Variants in INTS3 observed in about 807,000 individuals in gnomAD.
The protein encoded by INTS3 is SOSS complex subunit A.
In INTS3, 34 loss-of-function variants were observed where a neutral mutation model predicts 146.3. The ratio of observed to expected loss-of-function variants is 0.23; its 90% CI spans 0.18 to 0.31. The LOEUF is 0.31. INTS3 is among the 10% of genes least tolerant of loss of function. INTS3 has a pLI of 1.00. For synonymous variants in INTS3, 475 were observed against 494.9 expected (o/e 0.96, Z 0.53); for missense variants, 757 against 1,304.2 (o/e 0.58, Z 6.46).
At position 153,757,802 on chromosome 1, in the gene INTS3, T is replaced by C; in HGVS notation, c.1149+39T>C. ...ATACTGGGTGGTGAAGGGTGCCTCT[T>C]CCATGGTGTTCCCATGTTTCCATTC... On this transcript the variant is annotated intron_variant, in intron 10 of 29. Transcript: ENST00000318967. This position sits in a 1 kb window ranked among gnomAD's most constrained non-coding sequence, Gnocchi z 4.0. 6.5e-7 allele frequency: 1 copy of C among 1,549,442 alleles called. No individual in the cohort carries two copies. Among genetic ancestry groups the C allele is most frequent in the Middle Eastern group, 2.3e-4 (1 of 4,396 alleles).
chr1:153,758,253 T>C (rs1672235264), intron 10 of INTS3, among the ~76,000 whole-genome samples: 2 of 152,224 alleles, frequency 1.3e-5, no homozygotes, highest in Non-Finnish European at 2.9e-5. Flanking sequence ...CTCTGGCATC[T>C]GGCTGCCCCC....
intron 11 of INTS3, 63 bp downstream of exon 11, chr1:153,759,676 A>G: frequency 2.0e-6 from 2 of 1,015,244 alleles, no homozygotes; most frequent in Non-Finnish European, 3.1e-6. Flanking sequence ...TGCCTTCCTT[A>G]GTGATAGCAG....
intron 3 of INTS3, among the ~76,000 whole-genome samples, chr1:153,742,062 C>T (rs1671552931): frequency 6.6e-6 from 1 of 152,160 alleles, no homozygotes; most frequent in Admixed American, 6.5e-5. Context: ...AAAGGAAAAT[C>T]ATTTCCGGGG....
chr1:153,763,559 C>T (rs1558006019), intron 16 of INTS3, among the ~76,000 whole-genome samples, 197 bp downstream of exon 16: 2 of 152,164 alleles, frequency 1.3e-5, no homozygotes, highest in African/African-American at 2.4e-5. Context: ...AGCCTCATTC[C>T]GTAACACCTT....
Position 153,767,815 on chromosome 1 carries a change from C to CACCGAG in INTS3, c.2233_2234insCCGAGA (p.Ser744_Ile745insThrGlu). 6.8e-7 allele frequency: 1 copy of CACCGAG among 1,471,702 alleles called. No individual in the cohort carries two copies. The highest frequency in any genetic ancestry group is 2.0e-5 in the Admixed American group (1 of 49,618). The allele number at this position is 1,471,702 out of a possible 1,614,324, so 91.2% of individuals were successfully genotyped here. A position where few individuals can be genotyped will look rare whatever the true frequency, so the allele number is the denominator to read the frequency against. On this transcript the variant is annotated inframe_insertion, in exon 21 of 30. Transcript: ENST00000318967. The stretch of plus-strand genomic sequence containing the variant: ...GGCTCCTGTGCCACCTCACGCCCTC[C>CACCGAG]ATCTACACAGAGGTCAGTGCCTGCA...
At position 153,772,021 on chromosome 1, in the gene INTS3, G is replaced by C. The variant is rs997916621; in HGVS notation, c.2720+58G>C. The C allele has an allele frequency of 3.1e-6, 3 of 979,914 alleles. No homozygotes were observed. The highest frequency in any genetic ancestry group is 4.0e-6 in the Non-Finnish European group (3 of 745,466). 60.7% of individuals were successfully genotyped at this position (979,914 alleles called of 1,614,324 possible). On this transcript the variant is annotated intron_variant, in intron 26 of 29. Coordinates refer to ENST00000318967, the MANE Select transcript of INTS3 (RefSeq NM_023015.5). The surrounding 1 kb of genome is among the most constrained non-coding windows in gnomAD (Gnocchi z 4.6). ...ATGGCGGTCTGCAGTGATTGCTGTC[G>C]GTGGTGGTGGTGGTGGTGGTGGTGG...
At position 153,757,769 on chromosome 1, in the gene INTS3, G is replaced by A. The variant is rs373302294; in HGVS notation, c.1149+6G>A. 1.5e-5 allele frequency: 24 copies of A among 1,611,696 alleles called. No homozygotes were observed. In the African/African-American group the frequency reaches 2.3e-4, roughly 15 times the overall value. On this transcript the variant is annotated splice_donor_region_variant and intron_variant, in intron 10 of 29. Coordinates refer to ENST00000318967, the MANE Select transcript of INTS3 (RefSeq NM_023015.5). This position sits in a 1 kb window ranked among gnomAD's most constrained non-coding sequence, Gnocchi z 4.0. Reference sequence around the variant, plus strand: ...GGCTCCTGACAACGTGCACGGTGAGGGCAAAAGATACTGGGTGGTGAAGGG... The same window carrying A: ...GGCTCCTGACAACGTGCACGGTGAGAGCAAAAGATACTGGGTGGTGAAGGG...
chr1:153,772,873 G>T lies in INTS3; in HGVS notation c.2895-52G>T. 6.2e-7 allele frequency: 1 copy of T among 1,607,862 alleles called. No individual in the cohort carries two copies. The highest frequency in any genetic ancestry group is 8.5e-7 in the Non-Finnish European group (1 of 1,175,116). The stretch of plus-strand genomic sequence containing the variant: ...GGGGGCAGAGAAGAGGATGGGAGGT[G>T]CCGTAGGAGCAGCAGGCTCCCACTC... On this transcript the variant is annotated intron_variant, in intron 28 of 29. Transcript: ENST00000318967. This position sits in a 1 kb window ranked among gnomAD's most constrained non-coding sequence, Gnocchi z 4.6.
Position 153,765,025 on chromosome 1 carries a change from C to T in INTS3, c.2052C>T (p.Pro684=), listed in dbSNP as rs1157961401. 2 of 1,614,068 alleles carry T rather than the reference C, an allele frequency of 1.2e-6. No homozygotes were observed. Among genetic ancestry groups the T allele is most frequent in the Non-Finnish European group, 8.5e-7 (1 of 1,179,986 alleles). Residue 684 remains proline (P), a synonymous_variant, in exon 20 of 30, where the codon CCC becomes CCT. Transcript: ENST00000318967. ...DLLSELYQKQ[P]KIGYHLLYYL... ...TCTCCGAGCTATATCAGAAGCAGCC[C>T]AAGATTGGCTACCACCTGCTCTACT...
In INTS3 at chr1:153,744,007, T is replaced by G. The variant is rs545773284; in HGVS notation, c.318+2639T>G. Reference sequence around the variant, plus strand: ...TTTACTTTTCTTTGAGACTCTCCACTTCTCTTTTCCTCACTGAGGGTGTGC... The same window carrying G: ...TTTACTTTTCTTTGAGACTCTCCACGTCTCTTTTCCTCACTGAGGGTGTGC... On this transcript the variant is annotated intron_variant, in intron 3 of 29. Transcript: ENST00000318967. 3.0e-3 allele frequency among the ~76,000 whole-genome samples: 450 copies of G among 151,164 alleles called. 1 individual carries two copies. The highest frequency in any genetic ancestry group is 9.5e-3 in the African/African-American group (390 of 41,134).
At chr1:153,738,877 T>G (rs1671406620) in intron 1 of INTS3, among the ~76,000 whole-genome samples, 1 of 151,568 alleles carries the variant, frequency 6.6e-6, no homozygotes, top group Non-Finnish European at 1.5e-5. Flanking sequence ...ATTCGATAGA[T>G]GATAATATTA....
chr1:153,760,715 C>T, intron 12 of INTS3, 112 bp from the exon 13 acceptor site: 1 of 848,684 alleles, frequency 1.2e-6, no homozygotes, highest in Admixed American at 1.9e-5. Context: ...TCTCTGCAGC[C>T]ATACTCCCCA....
intron 1 of INTS3, among the ~76,000 whole-genome samples, chr1:153,731,391 A>T (rs1203579207): frequency 6.6e-6 from 1 of 152,016 alleles, no homozygotes; most frequent in African/African-American, 2.4e-5. Flanking sequence ...TTGAAGGCGG[A>T]AGTCTTCTTG....
chr1:153,760,940 G>A, intron 13 of INTS3, 22 bp downstream of exon 13: 1 of 1,606,294 alleles, frequency 6.2e-7, no homozygotes, highest in Non-Finnish European at 8.5e-7. Context: ...GGTGGGGGAA[G>A]GAGGTTGTTT....
At chr1:153,763,429 G>A in intron 16 of INTS3, 67 bp downstream of exon 16, 1 of 1,558,052 alleles carries the variant, frequency 6.4e-7, no homozygotes, top group Non-Finnish European at 8.8e-7. Context: ...GTGCTTAATG[G>A]GTATAGCAGG....
At position 153,728,874 on chromosome 1, in the gene INTS3, CG is replaced by C. The variant is rs1162491286; in HGVS notation, c.150+95del. On this transcript the variant is annotated intron_variant, in intron 1 of 29. Transcript: ENST00000318967. ...CGGGTGGGAGGACGGGGGGTGGGGG[CG>C]GGGGTGGAGGCTTTCAAGTTTTTTG... The C allele has an allele frequency of 2.2e-4, 8 of 36,472 alleles. No homozygotes were observed. In the South Asian group the frequency reaches 3.0e-3, roughly 14 times the overall value. The allele number at this position is 36,472 out of a possible 1,614,324, so 2.3% of individuals were successfully genotyped here.
In INTS3 at chr1:153,741,752, A is replaced by C. The variant is rs113434953; in HGVS notation, c.318+384A>C. ...TGCAGATTCTGCCATTGGCAGGTGA[A>C]TAGAAAGCAGGCTTAAAATTTTAGT... On this transcript the variant is annotated intron_variant, in intron 3 of 29. Transcript: ENST00000318967. Among the ~76,000 whole-genome samples the C allele has an allele frequency of 4.0e-3, 608 of 152,372 alleles. 8 individuals are homozygous for C. Among genetic ancestry groups the C allele is most frequent in the African/African-American group, 0.014 (586 of 41,586 alleles).
chr1:153,746,746 T>A (rs1671760898), intron 3 of INTS3: 1 of 534,326 alleles, frequency 1.9e-6, no homozygotes, highest in Non-Finnish European at 3.3e-6. Flanking sequence ...CAGTACCTTT[T>A]CCCCACTCTG....
intron 11 of INTS3, 135 bp downstream of exon 11, chr1:153,759,748 T>C: frequency 3.0e-6 from 2 of 655,902 alleles, no homozygotes; most frequent in Non-Finnish European, 5.5e-6. Flanking sequence ...CTGTTGTTCC[T>C]CATCAGTTTT....
Sources: gnomAD v4.1 joint callset for allele counts (sites outside exome capture counted in the v4.1 genomes callset) on GRCh38, gnomAD v4.1.1 for gene constraint, Gnocchi (gnomAD v3.1) non-coding constraint, MANE v1.5 for transcripts, NCBI Gene and HGNC (gene_info 2026-07-23, HGNC 2026-07-21) for gene names.